CD109: variants seen among roughly 807,000 people sequenced by gnomAD.
CD109 encodes CD109 antigen.
Under a neutral mutation model 165.8 loss-of-function variants are expected in CD109, and 149 were observed. The ratio of observed to expected loss-of-function variants is 0.90; its 90% CI spans 0.79 to 1.03. CD109 has a LOEUF of 1.03. Ranked by LOEUF, CD109 falls within the 50% of genes least tolerant of loss-of-function variation. CD109 has a pLI of 0.00. For synonymous variants in CD109, 585 were observed against 592.1 expected (o/e 0.99, Z 0.18); for missense variants, 1,712 against 1,677.8 (o/e 1.02, Z -0.36).
At chr6:73,733,965 T>C (rs1047537562) in intron 4 of CD109, among the ~76,000 whole-genome samples, 3 of 152,288 alleles carry the variant, frequency 2.0e-5, no homozygotes, top group South Asian at 2.1e-4. Flanking sequence ...TCGAAGGGCA[T>C]GTGGGGCCAC....
Position 73,697,502 on chromosome 6 carries a change from G to A in CD109, c.177G>A (p.Lys59=). Residue 59 remains lysine, a synonymous_variant, in exon 2 of 33, where the codon AAG becomes AAA. Coordinates refer to ENST00000287097, the MANE Select transcript of CD109 (RefSeq NM_133493.5). The part of the protein sequence containing the change: ...LEHCPSQVTV[K]AELLKTASNL... ...ACTGCCCTTCACAGGTGACTGTGAAGGCGGAGCTGCTCAAGACAGCATCAA... is the reference window on the plus strand; with the variant it reads ...ACTGCCCTTCACAGGTGACTGTGAAAGCGGAGCTGCTCAAGACAGCATCAA... 6.2e-7 allele frequency: 1 copy of A among 1,614,176 alleles called. No individual in the cohort carries two copies. Among genetic ancestry groups the A allele is most frequent in the Non-Finnish European group, 8.5e-7 (1 of 1,180,030 alleles).
At chr6:73,794,849 A>G (rs1775099745) in intron 23 of CD109, among the ~76,000 whole-genome samples, 1 of 152,106 alleles carries the variant, frequency 6.6e-6, no homozygotes, top group African/African-American at 2.4e-5. Context: ...AGAGTTGCCC[A>G]TGTAAAATTA....
chr6:73,689,657 G>A, the CD109 span, among the ~76,000 whole-genome samples: 1 of 151,450 alleles, frequency 6.6e-6, no homozygotes, highest in East Asian at 1.9e-4. Flanking sequence ...GGCTCTTAGT[G>A]TCTCAGTCAA....
rs768743108 is a variant in CD109, at chr6:73,766,026, T to G, written c.1204T>G (p.Trp402Gly). 2 of 1,613,928 alleles carry G rather than the reference T, an allele frequency of 1.2e-6. No individual in the cohort carries two copies. Among genetic ancestry groups the G allele is most frequent in the Non-Finnish European group, 1.7e-6 (2 of 1,179,822 alleles). ...TVTQRNYTEY[W>G]SGSNSGNQKM... ...GACACAGAGAAACTATACTGAGTACTGGAGCGGATCTAACAGTGGAAATCA... is the reference window on the plus strand; with the variant it reads ...GACACAGAGAAACTATACTGAGTACGGGAGCGGATCTAACAGTGGAAATCA... Residue 402 changes from tryptophan (W) to glycine (G), a missense_variant, in exon 11 of 33, where the codon TGG (tryptophan) becomes GGG (glycine). Trp to Gly is a radical substitution (Grantham distance 184). Transcript: ENST00000287097.
intron 30 of CD109, 53 bp from the exon 31 acceptor site, chr6:73,818,335 C>T: frequency 6.3e-7 from 1 of 1,591,250 alleles, no homozygotes; most frequent in African/African-American, 1.3e-5. Flanking sequence ...AATTTGATAA[C>T]AGCTATGGGT....
chr6:73,724,061 C>A (rs750235896), intron 3 of CD109, among the ~76,000 whole-genome samples: 3 of 152,022 alleles, frequency 2.0e-5, no homozygotes, highest in Non-Finnish European at 4.4e-5. Flanking sequence ...TAATATTGAC[C>A]CTGTCTTTGT....
chr6:73,765,475 G>A (rs1773798534), intron 10 of CD109, among the ~76,000 whole-genome samples: 1 of 152,168 alleles, frequency 6.6e-6, no homozygotes, highest in Admixed American at 6.5e-5. Flanking sequence ...GGATATCCAA[G>A]TAGAAATTTC....
the CD109 span, among the ~76,000 whole-genome samples, chr6:73,682,350 A>G: frequency 6.6e-6 from 1 of 152,216 alleles, no homozygotes; most frequent in Non-Finnish European, 1.5e-5. Context: ...TGCAAGTCCA[A>G]AATCTAGTGG....
At chr6:73,712,177 C>G (rs1445842487) in intron 2 of CD109, among the ~76,000 whole-genome samples, 3 of 151,098 alleles carry the variant, frequency 2.0e-5, no homozygotes, top group Non-Finnish European at 4.4e-5. Context: ...CCACTGCACT[C>G]CAGCCTGGGC....
chr6:73,713,257 C>T (rs969263285), intron 2 of CD109, among the ~76,000 whole-genome samples: 2 of 151,976 alleles, frequency 1.3e-5, no homozygotes, highest in African/African-American at 2.4e-5. Context: ...TACTTAAAAT[C>T]GACTTTTTAT....
upstream of CD109, among the ~76,000 whole-genome samples, chr6:73,692,992 CAT>C (rs1382284246): frequency 3.9e-5 from 6 of 152,126 alleles, no homozygotes; most frequent in Non-Finnish European, 5.9e-5. Flanking sequence ...TCCTTAATAA[CAT>C]ATGAATATTT....
At position 73,824,777 on chromosome 6, in the gene CD109, T is replaced by C. The variant is rs1181208212; in HGVS notation, c.*1144T>C. 2.0e-5 allele frequency: 3 copies of C among 152,210 alleles called. No homozygotes were observed. The highest frequency in any genetic ancestry group is 4.4e-5 in the Non-Finnish European group (3 of 68,040). 9.4% of individuals were successfully genotyped at this position (152,210 alleles called of 1,614,324 possible). A position where few individuals can be genotyped will look rare whatever the true frequency, so the allele number is the denominator to read the frequency against. On this transcript the variant is annotated 3_prime_UTR_variant, in exon 33 of 33. Transcript: ENST00000287097. ...CGAAGGGTAATATAATTTATCTGGA[T>C]GGAAATTTTAAAGATGAATCCCCCT...
At chr6:73,731,175 T>C (rs1772355649) in intron 4 of CD109, among the ~76,000 whole-genome samples, 1 of 152,022 alleles carries the variant, frequency 6.6e-6, no homozygotes, top group Non-Finnish European at 1.5e-5. Flanking sequence ...GCCTCCTGAG[T>C]AGCTGGGATT....
At chr6:73,737,198 CAT>C (rs1402883287) in intron 5 of CD109, among the ~76,000 whole-genome samples, 1 of 152,082 alleles carries the variant, frequency 6.6e-6, no homozygotes, top group Non-Finnish European at 1.5e-5. Context: ...ATTTATGTGA[CAT>C]ATAAACATAT....
intron 2 of CD109, among the ~76,000 whole-genome samples, chr6:73,702,948 C>G (rs550000722): frequency 6.6e-6 from 1 of 152,072 alleles, no homozygotes; most frequent in African/African-American, 2.4e-5. Context: ...AAGACACATC[C>G]CTAGGAGGGG....
intron 5 of CD109, among the ~76,000 whole-genome samples, chr6:73,740,567 G>T (rs907878305): frequency 2.0e-5 from 3 of 149,168 alleles, no homozygotes; most frequent in Non-Finnish European, 4.5e-5. Context: ...TAATTATTTT[G>T]GTCTAGTATG....
rs778951474 is a variant in CD109, at chr6:73,808,178, A to G, written c.3285A>G (p.Ala1095=). ...ATACTCTAGCCCTTATAACTTATGCATTGTCATCAGTGGGGAGTCCTAAAG... is the reference window on the plus strand; with the variant it reads ...ATACTCTAGCCCTTATAACTTATGCGTTGTCATCAGTGGGGAGTCCTAAAG... ...DNYTLALITY[A]LSSVGSPKAK... Residue 1095 remains alanine, a synonymous_variant, in exon 26 of 33, where the codon GCA becomes GCG. Transcript: ENST00000287097. 2 of 1,613,506 alleles carry G rather than the reference A, an allele frequency of 1.2e-6. No homozygotes were observed. Among genetic ancestry groups the G allele is most frequent in the Non-Finnish European group, 1.7e-6 (2 of 1,179,566 alleles).
At chr6:73,737,411 G>T (rs1214478642) in intron 5 of CD109, among the ~76,000 whole-genome samples, 1 of 152,180 alleles carries the variant, frequency 6.6e-6, no homozygotes, top group African/African-American at 2.4e-5. Context: ...ATCTTTATGG[G>T]TGTTTGTATG....
chr6:73,716,016 G>A (rs1294439813), intron 2 of CD109, among the ~76,000 whole-genome samples: 1 of 152,168 alleles, frequency 6.6e-6, no homozygotes, highest in African/African-American at 2.4e-5. Flanking sequence ...ACAAATAAGT[G>A]AGAACATGCA....
Sources: allele counts gnomAD v4.1 joint callset (sites outside exome capture counted in the v4.1 genomes callset), GRCh38; gene constraint gnomAD v4.1.1; transcripts MANE v1.5; gene names NCBI Gene and HGNC (gene_info 2026-07-23, HGNC 2026-07-21).